The following ACTR3C variants were observed in gnomAD, a reference collection of about 807,000 sequenced individuals.
The protein encoded by ACTR3C is actin-related protein 3C.
Under a neutral mutation model 26.3 loss-of-function variants are expected in ACTR3C, and 18 were observed. The observed-to-expected ratio is 0.68, with a 90% CI of 0.47 to 1.01. The LOEUF (loss-of-function observed/expected upper bound fraction) is 1.01. ACTR3C is among the 50% of genes least tolerant of loss of function. The pLI is 0.00. For synonymous variants in ACTR3C, 55 were observed against 94.5 expected (o/e 0.58, Z 2.42); for missense variants, 184 against 250.7 (o/e 0.73, Z 1.80).
the ACTR3C span, among the ~76,000 whole-genome samples, chr7:149,884,334 C>T: frequency 1.3e-5 from 2 of 152,086 alleles, no homozygotes; most frequent in Admixed American, 1.3e-4. Flanking sequence ...AATCTAAATA[C>T]GAATCTCTCA....
the ACTR3C span, among the ~76,000 whole-genome samples, chr7:150,228,697 T>C: frequency 3.3e-5 from 5 of 152,020 alleles, no homozygotes; most frequent in Non-Finnish European, 7.4e-5. Context: ...AGACTGTATT[T>C]GGGCTTCTGA....
the ACTR3C span, among the ~76,000 whole-genome samples, chr7:150,035,165 G>C: frequency 6.6e-5 from 9 of 137,378 alleles, no homozygotes; most frequent in Admixed American, 4.3e-4. Context: ...CCTAAGCCAG[G>C]GGGGGAAGAG....
At chr7:149,924,375 C>CA in the ACTR3C span, among the ~76,000 whole-genome samples, 1 of 151,796 alleles carries the variant, frequency 6.6e-6, no homozygotes, top group Non-Finnish European at 1.5e-5. Flanking sequence ...AACTCTGACT[C>CA]AAAAAAATGA....
At chr7:150,306,125 G>T (rs1795790457) in intron 1 of ACTR3C, among the ~76,000 whole-genome samples, 1 of 152,210 alleles carries the variant, frequency 6.6e-6, no homozygotes, top group Non-Finnish European at 1.5e-5. Flanking sequence ...AAACTTGATT[G>T]TTTTTGAACA....
the ACTR3C span, among the ~76,000 whole-genome samples, chr7:150,194,080 A>T: frequency 6.7e-6 from 1 of 149,722 alleles, no homozygotes; most frequent in African/African-American, 2.4e-5. Flanking sequence ...TTTTAAAAAA[A>T]TTTTTGACTT....
At chr7:150,003,481 TGATGTGGTATGTAG>T in the ACTR3C span, among the ~76,000 whole-genome samples, 3 of 152,214 alleles carry the variant, frequency 2.0e-5, no homozygotes, top group Admixed American at 6.5e-5. Context: ...GTGGTGTGTA[TGATGTGGTATGTAG>T]GATGTGTGGC....
chr7:149,938,140 A>G, the ACTR3C span, among the ~76,000 whole-genome samples: 1 of 152,172 alleles, frequency 6.6e-6, no homozygotes, highest in African/African-American at 2.4e-5. Context: ...AGTCCATCAA[A>G]TAGGAGAGTC....
the ACTR3C span, among the ~76,000 whole-genome samples, chr7:149,997,886 T>C: frequency 1.3e-5 from 2 of 149,826 alleles, no homozygotes; most frequent in Admixed American, 6.7e-5. Context: ...AGACATTTTA[T>C]GGGGCAAGAA....
chr7:150,243,428 A>G (rs1729899808), downstream of ACTR3C, among the ~76,000 whole-genome samples: 1 of 152,056 alleles, frequency 6.6e-6, no homozygotes, highest in Admixed American at 6.5e-5. Context: ...TTTTCTAAAT[A>G]TTATTTTGGG....
chr7:150,180,134 T>C, the ACTR3C span, among the ~76,000 whole-genome samples: 1 of 150,260 alleles, frequency 6.7e-6, no homozygotes, highest in Non-Finnish European at 1.5e-5. Context: ...TGAAACCCCA[T>C]CTCTACTAAA....
At chr7:150,287,696 G>A (rs1160194597) in intron 4 of ACTR3C, among the ~76,000 whole-genome samples, 2 of 150,558 alleles carry the variant, frequency 1.3e-5, no homozygotes. Flanking sequence ...CCATCTTCTG[G>A]GTATCTTGGA....
chr7:149,999,975 A>C, the ACTR3C span, among the ~76,000 whole-genome samples: 1 of 150,490 alleles, frequency 6.6e-6, no homozygotes, highest in East Asian at 1.9e-4. Flanking sequence ...ATCTGGAATA[A>C]TATAGAAAGA....
chr7:150,035,017 A>G, the ACTR3C span, among the ~76,000 whole-genome samples: 586 of 132,000 alleles, frequency 4.4e-3, 26 homozygotes, highest in South Asian at 0.014. Flanking sequence ...CCTCAGAGCC[A>G]GGGGGGGAAG....
chr7:150,037,294 C>A, the ACTR3C span, among the ~76,000 whole-genome samples: 1 of 47,424 alleles, frequency 2.1e-5, no homozygotes, highest in African/African-American at 6.6e-5. Context: ...CAGGTGGGTC[C>A]TAAGGATCTT....
chr7:150,048,963 G>A, the ACTR3C span, among the ~76,000 whole-genome samples: 1 of 152,134 alleles, frequency 6.6e-6, no homozygotes, highest in East Asian at 1.9e-4. Flanking sequence ...GGCTGTGACC[G>A]TGACTCCATT....
At chr7:150,189,951 C>G in the ACTR3C span, among the ~76,000 whole-genome samples, 1 of 150,042 alleles carries the variant, frequency 6.7e-6, no homozygotes, top group Non-Finnish European at 1.5e-5. Context: ...GTGGGAGATA[C>G]ATGTTTAACA....
At chr7:150,159,446 T>C in the ACTR3C span, among the ~76,000 whole-genome samples, 63 of 152,170 alleles carry the variant, frequency 4.1e-4, no homozygotes, top group Non-Finnish European at 6.3e-4. Context: ...AAATGAAAAG[T>C]AGGCAAAGGC....
At chr7:149,887,568 C>T in the ACTR3C span, among the ~76,000 whole-genome samples, 6 of 152,324 alleles carry the variant, frequency 3.9e-5, no homozygotes, top group East Asian at 5.8e-4. Context: ...GCTCCCAGAG[C>T]TGCCCATAGT....
intron 3 of ACTR3C, among the ~76,000 whole-genome samples, chr7:150,292,646 C>A (rs1836365708): frequency 1.3e-5 from 2 of 151,976 alleles, no homozygotes; most frequent in South Asian, 4.2e-4. Flanking sequence ...GACAGGCATG[C>A]GCCACCACAC....
Sources: allele counts gnomAD v4.1 joint callset (sites outside exome capture counted in the v4.1 genomes callset), GRCh38; gene constraint gnomAD v4.1.1; transcripts MANE v1.5; gene names NCBI Gene and HGNC (gene_info 2026-07-23, HGNC 2026-07-21).